NOX3: variants seen among roughly 807,000 people sequenced by gnomAD.
NOX3 encodes the protein NADPH oxidase catalytic subunit-like 3.
NOX3 carries 74 observed loss-of-function variants against 76.7 expected under a neutral mutation model. That is an observed-to-expected ratio of 0.96 (90% CI 0.80 to 1.17). The LOEUF (loss-of-function observed/expected upper bound fraction) is 1.17. Among genes scored for constraint, NOX3 ranks in the 50% most tolerant of loss-of-function variants. NOX3 has a pLI of 0.00. For missense variants in NOX3, 695 were observed against 703.3 expected, an observed-to-expected ratio of 0.99 and a Z score of 0.13; for synonymous variants, 263 against 261.1, an observed-to-expected ratio of 1.01 and a Z score of -0.07.
At chr6:155,397,159 C>T (rs577150495) in intron 12 of NOX3, among the ~76,000 whole-genome samples, 197 bp from the exon 13 acceptor site, 1 of 152,238 alleles carries the variant, frequency 6.6e-6, no homozygotes, top group South Asian at 2.1e-4. Flanking sequence ...AGCATCCTCC[C>T]CTAAATTAAT....
chr6:155,433,390 G>A (rs1459054008), intron 7 of NOX3, among the ~76,000 whole-genome samples: 1 of 152,178 alleles, frequency 6.6e-6, no homozygotes, highest in Non-Finnish European at 1.5e-5. Flanking sequence ...AGGAGGCCTT[G>A]ATTCAGAGCA....
intron 6 of NOX3, among the ~76,000 whole-genome samples, chr6:155,439,458 G>A (rs1031679430): frequency 6.6e-6 from 1 of 152,132 alleles, no homozygotes; most frequent in African/African-American, 2.4e-5. Flanking sequence ...GGAAACTGAG[G>A]CTCAGAGGAC....
At chr6:155,454,687 A>G (rs2114712871) in intron 3 of NOX3, 124 bp downstream of exon 3, 3 of 623,416 alleles carry the variant, frequency 4.8e-6, no homozygotes, top group East Asian at 5.9e-5. Flanking sequence ...TGTTATCTCT[A>G]ACAAAGAAAC....
chr6:155,455,466 CAT>C (rs1414903817), intron 1 of NOX3, among the ~76,000 whole-genome samples: 2 of 152,180 alleles, frequency 1.3e-5, no homozygotes, highest in East Asian at 3.8e-4. Flanking sequence ...GTTCCAATTT[CAT>C]AGTCTAATTC....
chr6:155,429,943 A>G (rs1007047737), intron 8 of NOX3, among the ~76,000 whole-genome samples: 1 of 152,222 alleles, frequency 6.6e-6, no homozygotes, highest in African/African-American at 2.4e-5. Context: ...GTAGGTTTCC[A>G]GAAGTTTTAC....
At chr6:155,397,777 T>A (rs1021045071) in intron 12 of NOX3, among the ~76,000 whole-genome samples, 1 of 152,226 alleles carries the variant, frequency 6.6e-6, no homozygotes, top group Non-Finnish European at 1.5e-5. Context: ...GTAATAGCAA[T>A]TTAATTAATT....
chr6:155,454,457 G>A (rs979392936), intron 3 of NOX3, among the ~76,000 whole-genome samples: 2 of 152,232 alleles, frequency 1.3e-5, no homozygotes, highest in Non-Finnish European at 2.9e-5. Flanking sequence ...TGAGAACCCA[G>A]AGAGATGTTT....
chr6:155,444,948 G>A (rs1489317960), intron 4 of NOX3, among the ~76,000 whole-genome samples: 1 of 152,168 alleles, frequency 6.6e-6, no homozygotes, highest in South Asian at 2.1e-4. Context: ...GGAACTAAAT[G>A]TACCTTCTGT....
chr6:155,417,891 G>A (rs945886104), intron 10 of NOX3, among the ~76,000 whole-genome samples: 1 of 152,050 alleles, frequency 6.6e-6, no homozygotes, highest in Admixed American at 6.5e-5. Context: ...AGAACCCAAA[G>A]GCCATTTTGC....
chr6:155,400,527 T>C (rs929000834), intron 12 of NOX3, among the ~76,000 whole-genome samples: 42 of 152,214 alleles, frequency 2.8e-4, no homozygotes. Context: ...TTCTGGTTAA[T>C]CCTTTCTAGT....
At chr6:155,402,283 C>T (rs575605575) in intron 12 of NOX3, among the ~76,000 whole-genome samples, 49 of 152,254 alleles carry the variant, frequency 3.2e-4, no homozygotes, top group African/African-American at 1.1e-3. Context: ...GTTTTTGTTT[C>T]ATAGTACTTT....
chr6:155,412,413 T>C (rs964275535), intron 10 of NOX3, among the ~76,000 whole-genome samples: 2 of 152,220 alleles, frequency 1.3e-5, no homozygotes, highest in African/African-American at 4.8e-5. Flanking sequence ...CTAAACATCT[T>C]GTCTATTCTC....
At chr6:155,408,738 G>A (rs1315602948) in intron 11 of NOX3, among the ~76,000 whole-genome samples, 1 of 152,090 alleles carries the variant, frequency 6.6e-6, no homozygotes, top group African/African-American at 2.4e-5. Context: ...CAAAGAAAAC[G>A]TGTTATATAC....
rs1582922100 is a variant in NOX3, at chr6:155,396,972, G to A, written c.1581-10C>T. ...CACGCCAATACTGCTGCTGCAGTAG[G>A]GGTAAGAAAAGGAAATAAAATGTCA... On this transcript the variant is annotated splice_polypyrimidine_tract_variant and intron_variant, in intron 12 of 13. Transcript: ENST00000159060. 3 of 1,597,478 alleles carry A rather than the reference G, an allele frequency of 1.9e-6. No individual in the cohort carries two copies. Among genetic ancestry groups the A allele is most frequent in the Non-Finnish European group, 2.6e-6 (3 of 1,172,956 alleles).
chr6:155,447,936 T>G (rs1399276975), intron 4 of NOX3, among the ~76,000 whole-genome samples: 4 of 152,212 alleles, frequency 2.6e-5, no homozygotes, highest in Non-Finnish European at 1.5e-5. Context: ...CTTCTACATT[T>G]TAGGCTTTTA....
In NOX3 at chr6:155,428,861, T is replaced by C; in HGVS notation, c.1078A>G (p.Thr360Ala). 1 of 1,610,538 alleles carries C rather than the reference T, an allele frequency of 6.2e-7. No individual in the cohort carries two copies. The highest frequency in any genetic ancestry group is 1.7e-5 in the Admixed American group (1 of 59,830). The change falls in exon 9 of 14, where the codon ACA (threonine) becomes GCA (alanine). Residue 360 changes from threonine (T) to alanine (A), a missense_variant. Coordinates refer to ENST00000159060, the MANE Select transcript of NOX3 (RefSeq NM_015718.3). ...CCAAAGGCCTCCAGTAGCGCTGCTG[T>C]CCAGTCTCCTGCTGCCCGGATGTGC... ...SVHIRAAGDW[T>A]AALLEAFGAE...
chr6:155,402,694 C>T (rs1582925158), intron 12 of NOX3, among the ~76,000 whole-genome samples: 1 of 152,012 alleles, frequency 6.6e-6, no homozygotes, highest in Non-Finnish European at 1.5e-5. Flanking sequence ...ATCTTTTTGC[C>T]CCTCTTCACT....
At chr6:155,417,278 T>A (rs981075882) in intron 10 of NOX3, among the ~76,000 whole-genome samples, 1 of 152,148 alleles carries the variant, frequency 6.6e-6, no homozygotes, top group Admixed American at 6.5e-5. Flanking sequence ...TATAAATGCA[T>A]GGAAAAGGAA....
intron 4 of NOX3, among the ~76,000 whole-genome samples, chr6:155,451,566 G>C (rs528202670): frequency 6.6e-6 from 1 of 152,090 alleles, no homozygotes; most frequent in African/African-American, 2.4e-5. Context: ...ATGCCCAAAA[G>C]TTTAAGGAGA....
Sources: gnomAD v4.1 joint callset for allele counts (sites outside exome capture counted in the v4.1 genomes callset) on GRCh38, gnomAD v4.1.1 for gene constraint, MANE v1.5 for transcripts, NCBI Gene and HGNC (gene_info 2026-07-23, HGNC 2026-07-21) for gene names.